The following DDX17 variants were observed in gnomAD, a reference collection of about 807,000 sequenced individuals.
DDX17 encodes the protein DEAD-box helicase 17, also known as probable ATP-dependent RNA helicase DDX17.
In DDX17, 10 loss-of-function variants were observed where a neutral mutation model predicts 80.8. The ratio of observed to expected loss-of-function variants is 0.12; its 90% CI spans 0.08 to 0.21. DDX17 has a LOEUF of 0.21. DDX17 is among the 10% of genes least tolerant of loss of function. DDX17 has a pLI of 1.00. For missense variants in DDX17, 586 were observed against 957.4 expected (o/e 0.61, Z 5.12); for synonymous variants, 339 against 336.2 (o/e 1.01, Z -0.09).
intron 2 of DDX17, among the ~76,000 whole-genome samples, chr22:38,500,667 A>C (rs1485833692): frequency 6.6e-6 from 1 of 151,694 alleles, no homozygotes; most frequent in Non-Finnish European, 1.5e-5. Context: ...AATACAAAAA[A>C]TTAGCCGGGC....
intron 10 of DDX17, among the ~76,000 whole-genome samples, chr22:38,492,324 G>A (rs1454805464): frequency 6.6e-6 from 1 of 152,170 alleles, no homozygotes; most frequent in African/African-American, 2.4e-5. Context: ...TTAAGAGAGT[G>A]TGGCAATTTG....
At chr22:38,491,797 C>T (rs753708811) in intron 11 of DDX17, 8 of 374,962 alleles carry the variant, frequency 2.1e-5, no homozygotes, top group Admixed American at 5.3e-5. Context: ...ATGCCTAGGC[C>T]TTGCTGCAGA....
rs1459479656 is a variant in DDX17 at position 38,493,060 on chromosome 22, C to T, written c.1387+650G>A. ...GCCAGCATCGTGGCCCTTAAAGAACCATGAGCACACGCTAAAAGTACCCTC... is the reference window on the plus strand; with the variant it reads ...GCCAGCATCGTGGCCCTTAAAGAACTATGAGCACACGCTAAAAGTACCCTC... On this transcript the variant is annotated intron_variant, in intron 10 of 12. Transcript: ENST00000403230. Among the ~76,000 whole-genome samples the T allele has an allele frequency of 2.6e-5, 4 of 152,136 alleles. 1 individual carries two copies. The highest frequency in any genetic ancestry group is 9.7e-5 in the African/African-American group (4 of 41,440).
chr22:38,494,662 C>G lies in DDX17; in HGVS notation c.1182G>C (p.Val394=), dbSNP rs376680168. The G allele has an allele frequency of 2.5e-6, 4 of 1,614,030 alleles. No homozygotes were observed. In the African/African-American group the frequency reaches 5.3e-5, roughly 22 times the overall value. ...CTTTTTCACTTTCCATGCAGACATC[C>G]ACTATCTGGAGGATGTTGTGGTTGG... is the stretch of plus-strand genomic sequence containing the variant. The change falls in exon 8 of 13, where the codon GTG becomes GTC. Residue 394 remains valine (V), a synonymous_variant. Coordinates refer to ENST00000403230, the MANE Select transcript of DDX17 (RefSeq NM_006386.5).
chr22:38,489,065 T>A lies in DDX17; in HGVS notation c.1448-950A>T, dbSNP rs992496560. 11 of 984,300 alleles carry A rather than the reference T, an allele frequency of 1.1e-5. No homozygotes were observed. Among genetic ancestry groups the A allele is most frequent in the African/African-American group, 1.7e-5 (1 of 57,314 alleles). 61.0% of individuals were successfully genotyped at this position (984,300 alleles called of 1,614,324 possible). A position where few individuals can be genotyped will look rare whatever the true frequency, so the allele number is the denominator to read the frequency against. The stretch of plus-strand genomic sequence containing the variant: ...GTAATGCTTTCAGCTGAATGTATAT[T>A]TTTACCTACTTAAACAAACAATTTT... On this transcript the variant is annotated intron_variant, in intron 11 of 12. Transcript: ENST00000403230. The surrounding 1 kb of genome is among the most constrained non-coding windows in gnomAD (Gnocchi z 4.6).
chr22:38,503,740 A>G (rs1569144097), intron 1 of DDX17, among the ~76,000 whole-genome samples: 1 of 152,270 alleles, frequency 6.6e-6, no homozygotes, highest in Admixed American at 6.5e-5. Flanking sequence ...ATTAAAAACC[A>G]TACTACTTCA....
At position 38,485,000 on chromosome 22, in the gene DDX17, T is replaced by C. The variant is rs1309450781; in HGVS notation, c.*935A>G. ...AAATAAAATTTGCCCATTTTGAATA[T>C]ATTGTTTATAATTAAATGTGCTTTT... is the stretch of plus-strand genomic sequence containing the variant. On this transcript the variant is annotated 3_prime_UTR_variant, in exon 13 of 13. Transcript: ENST00000403230. 6.6e-6 allele frequency: 1 copy of C among 152,250 alleles called. No homozygotes were observed. Among genetic ancestry groups the C allele is most frequent in the African/African-American group, 2.4e-5 (1 of 41,460 alleles). The allele number at this position is 152,250 out of a possible 1,614,324, so 9.4% of individuals were successfully genotyped here.
chr22:38,495,084 G>A lies in DDX17; in HGVS notation c.881-38C>T, dbSNP rs779160775. The A allele has an allele frequency of 2.5e-6, 4 of 1,591,224 alleles. No individual in the cohort carries two copies. In the Admixed American group the frequency reaches 5.2e-5, roughly 21 times the overall value. ...ACCAATGATCGAGCCAATCGACTAG[G>A]TGCAGTGGCTCACAGCTGTGTTCTA... On this transcript the variant is annotated intron_variant, in intron 6 of 12. Coordinates refer to ENST00000403230, the MANE Select transcript of DDX17 (RefSeq NM_006386.5).
Position 38,498,065 on chromosome 22 carries a change from AG to A in DDX17, c.738+19del, listed in dbSNP as rs1392830287. Reference sequence around the variant, plus strand: ...ATTGTAGTTTTTCTTAGAATTACAAAGAAACTGAAACACACTTACGATTGGG... The same window carrying A: ...ATTGTAGTTTTTCTTAGAATTACAAAAAACTGAAACACACTTACGATTGGG... On this transcript the variant is annotated intron_variant, in intron 5 of 12. Transcript: ENST00000403230. 1 of 1,610,716 alleles carries A rather than the reference AG, an allele frequency of 6.2e-7. No individual in the cohort carries two copies. The highest frequency in any genetic ancestry group is 2.2e-5 in the East Asian group (1 of 44,856).
chr22:38,487,172 C>T (rs567446905), intron 12 of DDX17, among the ~76,000 whole-genome samples: 3 of 152,196 alleles, frequency 2.0e-5, no homozygotes, highest in South Asian at 4.2e-4. Flanking sequence ...TCTCTGCCCC[C>T]GCCCCGCCAA....
intron 5 of DDX17, among the ~76,000 whole-genome samples, chr22:38,497,297 CAAAAAA>C (rs138448): frequency 2.8e-5 from 1 of 36,182 alleles, no homozygotes; most frequent in South Asian, 1.7e-3. Flanking sequence ...AACTCCATCT[CAAAAAA>C]AAAAAAAAAA....
At position 38,489,592 on chromosome 22, in the gene DDX17, T is replaced by A. The variant is rs1041296793; in HGVS notation, c.1448-1477A>T. The A allele has an allele frequency of 1.0e-6, 1 of 984,882 alleles. No individual in the cohort carries two copies. Among genetic ancestry groups the A allele is most frequent in the African/African-American group, 1.8e-5 (1 of 57,102 alleles). The allele number at this position is 984,882 out of a possible 1,614,324, so 61.0% of individuals were successfully genotyped here. ...GTCAGACTGCATCTATTGCCCAGAC[T>A]GGATTAATTTCAAGGGAGAAAGGGG... is the stretch of plus-strand genomic sequence containing the variant. On this transcript the variant is annotated intron_variant, in intron 11 of 12. Transcript: ENST00000403230. This position sits in a 1 kb window ranked among gnomAD's most constrained non-coding sequence, Gnocchi z 4.6.
intron 3 of DDX17, 88 bp from the exon 4 acceptor site, chr22:38,498,661 T>G (rs984241598): frequency 7.1e-7 from 1 of 1,418,418 alleles, no homozygotes; most frequent in Non-Finnish European, 9.7e-7. Flanking sequence ...TCACTGAAGA[T>G]AAGATTTACC....
At position 38,494,910 on chromosome 22, in the gene DDX17, G is replaced by A; in HGVS notation, c.1017C>T (p.Ile339=). ...CCCTGATTTGGTCAACAATTTTACG[G>A]ATCTGGGGTTCAAACCCCATATCAA... The change falls in exon 7 of 13, where the codon ATC becomes ATT. Residue 339 remains isoleucine (I), a synonymous_variant. Coordinates refer to ENST00000403230, the MANE Select transcript of DDX17 (RefSeq NM_006386.5). The A allele has an allele frequency of 6.2e-7, 1 of 1,614,148 alleles. No individual in the cohort carries two copies. The highest frequency in any genetic ancestry group is 8.5e-7 in the Non-Finnish European group (1 of 1,180,024).
intron 12 of DDX17, among the ~76,000 whole-genome samples, chr22:38,487,620 A>C (rs1196355272): frequency 5.3e-5 from 8 of 152,088 alleles, no homozygotes; most frequent in Non-Finnish European, 1.0e-4. Flanking sequence ...CTCCGTCTCA[A>C]AACAAACAAA....
At chr22:38,497,258 T>G (rs975414311) in intron 5 of DDX17, among the ~76,000 whole-genome samples, 9 of 125,378 alleles carry the variant, frequency 7.2e-5, no homozygotes, top group Non-Finnish European at 1.6e-5. Context: ...ATTGTGCCAA[T>G]GTACTCCAGC....
At chr22:38,497,567 G>C (rs936552061) in intron 5 of DDX17, among the ~76,000 whole-genome samples, 9 of 138,316 alleles carry the variant, frequency 6.5e-5, no homozygotes, top group African/African-American at 2.4e-4. Context: ...GCAGTGAGCT[G>C]AGATCTCGCT....
rs1242617936 is a variant in DDX17, at chr22:38,489,130, A to T, written c.1448-1015T>A. ...GAATCCTACTGTTTTGTGGAAAAAA[A>T]TCTGCATTTTACAAAGAATATTCAG... is the stretch of plus-strand genomic sequence containing the variant. On this transcript the variant is annotated intron_variant, in intron 11 of 12. Transcript: ENST00000403230. The surrounding 1 kb of genome is among the most constrained non-coding windows in gnomAD (Gnocchi z 4.6). The T allele has an allele frequency of 1.0e-6, 1 of 984,836 alleles. No homozygotes were observed. Among genetic ancestry groups the T allele is most frequent in the Non-Finnish European group, 1.2e-6 (1 of 829,348 alleles). The allele number at this position is 984,836 out of a possible 1,614,324, so 61.0% of individuals were successfully genotyped here.
chr22:38,503,174 TAA>T (rs2089847320), intron 1 of DDX17, among the ~76,000 whole-genome samples: 2 of 152,226 alleles, frequency 1.3e-5, no homozygotes, highest in Admixed American at 6.5e-5. Context: ...CCCCTCAGCT[TAA>T]GACTCAATAC....
Sources: allele counts gnomAD v4.1 joint callset (sites outside exome capture counted in the v4.1 genomes callset), GRCh38; gene constraint gnomAD v4.1.1; non-coding constraint Gnocchi (gnomAD v3.1); transcripts MANE v1.5; gene names NCBI Gene and HGNC (gene_info 2026-07-23, HGNC 2026-07-21).